Variants in THEM4 observed in about 807,000 individuals in gnomAD.
THEM4 encodes the protein acyl-coenzyme A thioesterase THEM4.
A neutral mutation model predicts 25.0 loss-of-function variants in THEM4; 22 were observed. The ratio of observed to expected loss-of-function variants is 0.88; its 90% CI spans 0.63 to 1.26. The LOEUF is 1.26. Ranked by LOEUF, THEM4 falls within the 50% of genes most tolerant of loss-of-function variation. The probability of loss-of-function intolerance (pLI) is 0.00; values close to 1 mark genes in which losing one functional copy is unlikely to be tolerated. For missense variants in THEM4, 286 were observed against 300.3 expected (o/e 0.95, Z 0.35); for synonymous variants, 113 against 105.6 (o/e 1.07, Z -0.43).
chr1:151,889,288 C>T lies in THEM4; in HGVS notation c.372G>A (p.Val124=). The change falls in exon 3 of 6, where the codon GTG becomes GTA. Residue 124 remains valine (V), a synonymous_variant. Transcript: ENST00000368814. ...TTTTCTCAATGTCATTGTAGAACAT[C>T]ACGTATTCAAAGCCCAGGCCATCAT... The part of the protein sequence containing the change: ...SFDDGLGFEY[V]MFYNDIEKRM... The T allele has an allele frequency of 6.2e-7, 1 of 1,614,024 alleles. No homozygotes were observed. The highest frequency in any genetic ancestry group is 8.5e-7 in the Non-Finnish European group (1 of 1,179,946).
intron 1 of THEM4, among the ~76,000 whole-genome samples, chr1:151,901,271 G>C (rs1654346419): frequency 6.6e-6 from 1 of 152,144 alleles, no homozygotes; most frequent in African/African-American, 2.4e-5. Flanking sequence ...TTGGCAGATA[G>C]CACTAGACAA....
At chr1:151,908,624 T>C (rs998154229) in intron 1 of THEM4, among the ~76,000 whole-genome samples, 12 of 152,238 alleles carry the variant, frequency 7.9e-5, no homozygotes, top group African/African-American at 2.4e-4. Flanking sequence ...TCAGCTTAAT[T>C]AAAAGTAGAT....
intron 4 of THEM4, among the ~76,000 whole-genome samples, chr1:151,880,856 TAG>T (rs1224099151): frequency 3.3e-5 from 5 of 152,182 alleles, no homozygotes; most frequent in African/African-American, 9.6e-5. Context: ...GGTCTATTTA[TAG>T]AGAGTCATTA....
chr1:151,887,969 A>G (rs915584295), intron 4 of THEM4, among the ~76,000 whole-genome samples: 4 of 152,182 alleles, frequency 2.6e-5, no homozygotes, highest in African/African-American at 9.7e-5. Context: ...TATGACCAAT[A>G]CATGCGAGAG....
In THEM4 at chr1:151,889,295, T is replaced by C. The variant is rs147937525; in HGVS notation, c.365A>G (p.Glu122Gly). 1.2e-5 allele frequency: 19 copies of C among 1,613,938 alleles called. No homozygotes were observed. The African/African-American group carries it at 2.1e-4, about 18-fold the overall frequency. ...AATGTCATTGTAGAACATCACGTATTCAAAGCCCAGGCCATCATCAAAGCT... is the reference window on the plus strand; with the variant it reads ...AATGTCATTGTAGAACATCACGTATCCAAAGCCCAGGCCATCATCAAAGCT... ...TRSFDDGLGFEYVMFYNDIEK... is the reference protein window; with the variant it reads ...TRSFDDGLGFGYVMFYNDIEK... Residue 122 changes from glutamate (E) to glycine (G), a missense_variant, in exon 3 of 6, where the codon GAA becomes GGA. Coordinates refer to ENST00000368814, the MANE Select transcript of THEM4 (RefSeq NM_053055.5).
At chr1:151,881,331 C>G (rs943936318) in intron 4 of THEM4, among the ~76,000 whole-genome samples, 3 of 152,128 alleles carry the variant, frequency 2.0e-5, no homozygotes, top group Non-Finnish European at 4.4e-5. Context: ...CTGCAACACA[C>G]CAATCCTCAG....
chr1:151,898,254 G>A, intron 1 of THEM4, among the ~76,000 whole-genome samples: 1 of 152,218 alleles, frequency 6.6e-6, no homozygotes, highest in East Asian at 1.9e-4. Context: ...GAAGGGCATG[G>A]TGGGAGTGAG....
chr1:151,889,901 CTTCTT>C (rs1484969484), intron 2 of THEM4: 4 of 117,672 alleles, frequency 3.4e-5, no homozygotes, highest in East Asian at 2.6e-4. Flanking sequence ...TGTAACCAGG[CTTCTT>C]TTTTTTTTTT....
At chr1:151,894,834 T>C in intron 2 of THEM4, 174 bp downstream of exon 2, 1 of 703,474 alleles carries the variant, frequency 1.4e-6, no homozygotes, top group South Asian at 1.7e-5. Context: ...ATAGGCTTTA[T>C]GCTCTCCAAT....
At chr1:151,892,665 G>A (rs540539751) in intron 2 of THEM4, among the ~76,000 whole-genome samples, 10 of 152,294 alleles carry the variant, frequency 6.6e-5, no homozygotes, top group Admixed American at 5.9e-4. Flanking sequence ...TATCTACCAT[G>A]AGGAAACTGA....
chr1:151,896,537 A>G, intron 1 of THEM4, among the ~76,000 whole-genome samples: 1 of 152,220 alleles, frequency 6.6e-6, no homozygotes, highest in Non-Finnish European at 1.5e-5. Context: ...CATTTTGCAG[A>G]TGATGAAATT....
intron 4 of THEM4, among the ~76,000 whole-genome samples, chr1:151,887,249 T>A (rs1221702023): frequency 6.6e-6 from 1 of 152,052 alleles, no homozygotes; most frequent in Non-Finnish European, 1.5e-5. Context: ...GCCAACAAAG[T>A]GAAACACTGT....
intron 4 of THEM4, among the ~76,000 whole-genome samples, chr1:151,879,413 CT>C (rs753707465): frequency 5.2e-3 from 735 of 141,604 alleles, no homozygotes; most frequent in Admixed American, 5.0e-3. Flanking sequence ...TTAAAAAGTT[CT>C]TTTTTTTTTT....
chr1:151,896,898 T>C (rs1654237895), intron 1 of THEM4, among the ~76,000 whole-genome samples: 1 of 152,148 alleles, frequency 6.6e-6, no homozygotes, highest in African/African-American at 2.4e-5. Context: ...GTGAGGTGAA[T>C]GACAGAGCCA....
intron 1 of THEM4, among the ~76,000 whole-genome samples, chr1:151,896,802 G>A (rs1654236250): frequency 6.6e-6 from 1 of 152,230 alleles, no homozygotes; most frequent in Non-Finnish European, 1.5e-5. Flanking sequence ...ATGAGAGCAT[G>A]AAGCAGAACT....
intron 3 of THEM4, among the ~76,000 whole-genome samples, 165 bp from the exon 4 acceptor site, chr1:151,888,548 CTTTGT>C (rs1481301649): frequency 6.6e-6 from 1 of 152,222 alleles, no homozygotes; most frequent in Non-Finnish European, 1.5e-5. Context: ...ATGTCCCCAA[CTTTGT>C]TTTGTTCACA....
chr1:151,872,790 G>A lies in THEM4; in HGVS notation c.*2098C>T, dbSNP rs1436277128. ...ATTCTCAATTAACCAGGGGCAAAAT[G>A]CACTGTGGAAAGCCGCAGGGACCTC... On this transcript the variant is annotated 3_prime_UTR_variant, in exon 6 of 6. Coordinates refer to ENST00000368814, the MANE Select transcript of THEM4 (RefSeq NM_053055.5). Among the ~76,000 whole-genome samples the A allele has an allele frequency of 6.6e-6, 1 of 152,128 alleles. No individual in the cohort carries two copies. Among genetic ancestry groups the A allele is most frequent in the Non-Finnish European group, 1.5e-5 (1 of 68,024 alleles).
rs1351539899 is a variant in THEM4 at position 151,871,328 on chromosome 1, AAAAAAAAAAAAAAAAG to A, written c.*3544_*3559del. 1.5e-4 allele frequency among the ~76,000 whole-genome samples: 5 copies of A among 32,834 alleles called. No individual in the cohort carries two copies. Among genetic ancestry groups the A allele is most frequent in the African/African-American group, 1.3e-4 (2 of 15,888 alleles). 21.5% of individuals were successfully genotyped at this position (32,834 alleles called of 152,430 possible). On this transcript the variant is annotated 3_prime_UTR_variant, in exon 6 of 6. Transcript: ENST00000368814. ...CGACAGAGCCAGACCCTGTCTTGAA[AAAAAAAAAAAAAAAAG>A]AAAAAGAAAAAAGAAAGGAAAAAGA...
chr1:151,895,837 C>T lies in THEM4; in HGVS notation c.100-643G>A, dbSNP rs561340102. Among the ~76,000 whole-genome samples the T allele has an allele frequency of 1.2e-4, 18 of 152,212 alleles. 1 individual carries two copies. The highest frequency in any genetic ancestry group is 2.4e-4 in the African/African-American group (10 of 41,538). On this transcript the variant is annotated intron_variant, in intron 1 of 5. Transcript: ENST00000368814. Reference sequence around the variant, plus strand: ...ATGGACGGTTTAGCACCATCCTCCTCGGTACTGTCCTCATGATAGTGAGTT... The same window carrying T: ...ATGGACGGTTTAGCACCATCCTCCTTGGTACTGTCCTCATGATAGTGAGTT...
Sources: gnomAD v4.1 joint callset for allele counts (sites outside exome capture counted in the v4.1 genomes callset) on GRCh38, gnomAD v4.1.1 for gene constraint, MANE v1.5 for transcripts, NCBI Gene and HGNC (gene_info 2026-07-23, HGNC 2026-07-21) for gene names.